PDZD2: variants seen among roughly 807,000 people sequenced by gnomAD.
PDZD2 encodes the protein PDZ domain-containing protein 2.
A neutral mutation model predicts 220.7 loss-of-function variants in PDZD2; 90 were observed. That is an observed-to-expected ratio of 0.41 (90% confidence interval 0.34 to 0.49). The LOEUF (loss-of-function observed/expected upper bound fraction) is 0.49. PDZD2 is among the 20% of genes least tolerant of loss of function. The pLI, the probability that PDZD2 is intolerant of heterozygous loss-of-function variation, is 0.28. For synonymous variants in PDZD2, 1,375 were observed against 1,450.5 expected (o/e 0.95, Z 1.18); for missense variants, 3,174 against 3,608.5 (o/e 0.88, Z 3.08).
intron 1 of PDZD2, among the ~76,000 whole-genome samples, chr5:31,790,241 G>T (rs1753622601): frequency 6.6e-6 from 1 of 152,074 alleles, no homozygotes; most frequent in Non-Finnish European, 1.5e-5. Context: ...AGGACTACAG[G>T]CACCCGCCAC....
intron 2 of PDZD2, among the ~76,000 whole-genome samples, chr5:31,981,784 T>G (rs1750314844): frequency 1.3e-5 from 2 of 152,162 alleles, no homozygotes; most frequent in Non-Finnish European, 2.9e-5. Context: ...TTGTGCTGCT[T>G]TATCTTAGGT....
intron 21 of PDZD2, among the ~76,000 whole-genome samples, chr5:32,096,219 A>G (rs917840240): frequency 3.3e-5 from 5 of 151,936 alleles, no homozygotes; most frequent in Non-Finnish European, 7.4e-5. Context: ...CTCCCCATCA[A>G]TCCGTGTGTG....
chr5:31,858,201 G>A (rs1758627542), intron 2 of PDZD2, among the ~76,000 whole-genome samples: 1 of 151,944 alleles, frequency 6.6e-6, no homozygotes, highest in African/African-American at 2.4e-5. Flanking sequence ...GACTTCAGGT[G>A]ATCCGCCCAT....
chr5:31,910,217 A>ATTTTT (rs70957978), intron 2 of PDZD2, among the ~76,000 whole-genome samples: 14,980 of 106,316 alleles, frequency 0.14, 1,312 homozygotes, highest in Non-Finnish European at 0.19. Flanking sequence ...GAGTTCCTGC[A>ATTTTT]TTTTTTTTTT....
chr5:31,689,869 A>G lies in PDZD2; in HGVS notation c.-361+50432A>G, dbSNP rs76896652. Among the ~76,000 whole-genome samples, 718 of 152,256 alleles carry G rather than the reference A, an allele frequency of 4.7e-3. 5 individuals carry two copies. The highest frequency in any genetic ancestry group is 0.016 in the African/African-American group (660 of 41,550). ...TGATATTTTTCTGCTCTGATAGTCA[A>G]TGCTGAAGGGTCTCTGGGTGGGGTC... is the stretch of plus-strand genomic sequence containing the variant. On this transcript the variant is annotated intron_variant, in intron 1 of 24. Coordinates refer to ENST00000438447, the MANE Select transcript of PDZD2 (RefSeq NM_178140.4).
chr5:31,862,883 C>G (rs1015716712), intron 2 of PDZD2, among the ~76,000 whole-genome samples: 1 of 152,120 alleles, frequency 6.6e-6, no homozygotes, highest in East Asian at 1.9e-4. Context: ...CGCGCCGCTA[C>G]GCCCAGCTAA....
chr5:32,082,214 G>T (rs578025091), intron 19 of PDZD2, among the ~76,000 whole-genome samples: 1 of 151,216 alleles, frequency 6.6e-6, no homozygotes, highest in South Asian at 2.1e-4. Context: ...TAGAGACGGC[G>T]ATTCACTATG....
At chr5:32,035,004 T>A (rs1755423025) in intron 6 of PDZD2, among the ~76,000 whole-genome samples, 1 of 152,182 alleles carries the variant, frequency 6.6e-6, no homozygotes. Context: ...TGCAACAGAT[T>A]TATTACCTTT....
At chr5:31,696,269 A>G (rs1332292902) in intron 1 of PDZD2, among the ~76,000 whole-genome samples, 1 of 152,090 alleles carries the variant, frequency 6.6e-6, no homozygotes, top group Non-Finnish European at 1.5e-5. Context: ...GGTGCAGGAA[A>G]GGGGGTTTTA....
rs1485685303 is a variant in PDZD2, at chr5:31,646,594, A to G, written c.-361+7157A>G. On this transcript the variant is annotated intron_variant, in intron 1 of 24. Coordinates refer to ENST00000438447, the MANE Select transcript of PDZD2 (RefSeq NM_178140.4). The surrounding 1 kb of genome is among the most constrained non-coding windows in gnomAD (Gnocchi z 4.7). ...ATTTCAGCTGTGTTTTCAGTTGAAC[A>G]CCCCCCACCACCCGCCCAACACCCT... is the stretch of plus-strand genomic sequence containing the variant. Among the ~76,000 whole-genome samples the G allele has an allele frequency of 2.0e-5, 3 of 151,820 alleles. No homozygotes were observed. The highest frequency in any genetic ancestry group is 4.4e-5 in the Non-Finnish European group (3 of 67,948).
chr5:32,095,739 CT>C (rs965532717), intron 21 of PDZD2, among the ~76,000 whole-genome samples: 27 of 130,812 alleles, frequency 2.1e-4, no homozygotes, highest in East Asian at 2.2e-4. Context: ...TTTCCTTCTC[CT>C]TTTTTTTTTT....
intron 23 of PDZD2, chr5:32,099,218 G>A (rs1744028560): frequency 6.5e-6 from 1 of 153,046 alleles, no homozygotes; most frequent in Non-Finnish European, 1.5e-5. Flanking sequence ...TTTCTGCAGT[G>A]CGAGCTGTTT....
intron 2 of PDZD2, chr5:31,832,392 A>G (rs940519551): frequency 2.0e-5 from 3 of 152,250 alleles, no homozygotes; most frequent in African/African-American, 7.2e-5. Flanking sequence ...TCAACTGTAC[A>G]CTTGAAAATC....
At chr5:31,760,308 A>G (rs1451694035) in intron 1 of PDZD2, among the ~76,000 whole-genome samples, 1 of 152,238 alleles carries the variant, frequency 6.6e-6, no homozygotes, top group African/African-American at 2.4e-5. Flanking sequence ...TCTGGCATGA[A>G]ATAATTTCAG....
rs2150229980 is a variant in PDZD2 at position 31,799,599 on chromosome 5, C to A, written c.351C>A (p.Gly117=). 6.2e-7 allele frequency: 1 copy of A among 1,614,100 alleles called. No individual in the cohort carries two copies. The highest frequency in any genetic ancestry group is 1.1e-5 in the South Asian group (1 of 91,072). ...ACCAGGGTCCTGTGCTGGATGTGGG[C>A]TGCATCTGGGTGACAGAGCTGAGGA... The part of the protein sequence containing the change: ...KTHQGPVLDV[G]CIWVTELRKN... Residue 117 remains glycine, a synonymous_variant, in exon 2 of 25, where the codon GGC becomes GGA. Transcript: ENST00000438447.
intron 2 of PDZD2, among the ~76,000 whole-genome samples, chr5:31,942,412 G>A (rs1156231925): frequency 2.0e-5 from 3 of 151,960 alleles, no homozygotes; most frequent in Middle Eastern, 3.4e-3. Context: ...TGTCAGGGAG[G>A]GAGAAATGTA....
chr5:31,893,715 C>T (rs1209619128), intron 2 of PDZD2, among the ~76,000 whole-genome samples: 1 of 152,064 alleles, frequency 6.6e-6, no homozygotes, highest in Non-Finnish European at 1.5e-5. Flanking sequence ...TTATTCTATT[C>T]TTCTTATACT....
In PDZD2 at chr5:31,940,042, C is replaced by CT. The variant is rs1394706238; in HGVS notation, c.477-43112dup. Among the ~76,000 whole-genome samples, 7 of 152,364 alleles carry CT rather than the reference C, an allele frequency of 4.6e-5. No homozygotes were observed. In the East Asian group the frequency reaches 1.3e-3, roughly 29 times the overall value. Reference sequence around the variant, plus strand: ...CTGTGGCTTTGTGTTTACATACAAGCTGTGCCCCTCTTAAGAGCTTTTGTA... The same window carrying CT: ...CTGTGGCTTTGTGTTTACATACAAGCTTGTGCCCCTCTTAAGAGCTTTTGTA... On this transcript the variant is annotated intron_variant, in intron 2 of 24. Coordinates refer to ENST00000438447, the MANE Select transcript of PDZD2 (RefSeq NM_178140.4).
chr5:31,855,257 A>C (rs1758342511), intron 2 of PDZD2: 1 of 344,594 alleles, frequency 2.9e-6, no homozygotes, highest in Non-Finnish European at 4.1e-6. Context: ...ACAAATGTGG[A>C]GATTTAGCCA....
Sources: allele counts gnomAD v4.1 joint callset (sites outside exome capture counted in the v4.1 genomes callset), GRCh38; gene constraint gnomAD v4.1.1; non-coding constraint Gnocchi (gnomAD v3.1); transcripts MANE v1.5; gene names NCBI Gene and HGNC (gene_info 2026-07-23, HGNC 2026-07-21).